Variants in CPS1 observed in about 807,000 individuals in gnomAD.
CPS1 encodes carbamoyl-phosphate synthase 1.
In CPS1, 109 loss-of-function variants were observed where a neutral mutation model predicts 174.6. The ratio of observed to expected loss-of-function variants is 0.62; its 90% CI spans 0.53 to 0.73. The LOEUF is 0.73. Ranked by LOEUF, CPS1 falls within the 30% of genes least tolerant of loss-of-function variation. The pLI is 0.00. For missense variants in CPS1, 1,689 were observed against 1,821.9 expected (o/e 0.93, Z 1.33); for synonymous variants, 637 against 632.0 (o/e 1.01, Z -0.12).
At chr2:210,672,628 T>C (rs1288020060) in intron 34 of CPS1, 1 of 152,144 alleles carries the variant, frequency 6.6e-6, no homozygotes, top group East Asian at 1.9e-4. Context: ...TCACTAAGAG[T>C]TATTCTCTAA....
chr2:210,532,429 A>G (rs1468393036), intron 1 of CPS1, among the ~76,000 whole-genome samples: 1 of 152,040 alleles, frequency 6.6e-6, no homozygotes, highest in Admixed American at 6.6e-5. Context: ...ATTCCAAATT[A>G]CTCTTGTTTT....
intron 1 of CPS1, among the ~76,000 whole-genome samples, chr2:210,479,653 A>G (rs1409505700): frequency 6.6e-6 from 1 of 152,180 alleles, no homozygotes; most frequent in Admixed American, 6.5e-5. Context: ...TAGGACTTCA[A>G]CGTATGAATT....
chr2:210,628,850 A>G (rs968362183), intron 21 of CPS1, among the ~76,000 whole-genome samples: 2 of 152,114 alleles, frequency 1.3e-5, no homozygotes. Context: ...AATTCTTTCT[A>G]GAAGTCAAAG....
At chr2:210,592,763 G>T (rs374408331) in intron 10 of CPS1, 116 bp from the exon 11 acceptor site, 2 of 967,604 alleles carry the variant, frequency 2.1e-6, no homozygotes, top group Admixed American at 3.5e-5. Flanking sequence ...CAAAAATTTT[G>T]TTAAGCATCT....
At chr2:210,615,318 T>C (rs995294330) in intron 20 of CPS1, among the ~76,000 whole-genome samples, 2 of 151,952 alleles carry the variant, frequency 1.3e-5, no homozygotes, top group Admixed American at 1.3e-4. Flanking sequence ...ATACATTGAC[T>C]AGGAAATGAA....
chr2:210,612,161 T>C lies in CPS1; in HGVS notation c.2436T>C (p.Ala812=), dbSNP rs771710751. The stretch of plus-strand genomic sequence containing the variant: ...CCTTTGAGGAGAGTTTCCAGAAAGC[T>C]TTACGGATGTGCCACCCATCTATAG... ...GRTFEESFQK[A]LRMCHPSIEG... Residue 812 remains alanine, a synonymous_variant, in exon 20 of 38, where the codon GCT becomes GCC. Transcript: ENST00000233072. The C allele has an allele frequency of 6.2e-7, 1 of 1,612,254 alleles. No homozygotes were observed. Among genetic ancestry groups the C allele is most frequent in the Non-Finnish European group, 8.5e-7 (1 of 1,178,814 alleles).
Position 210,656,603 on chromosome 2 carries a change from C to T in CPS1, c.3637C>T (p.Gln1213Ter), listed in dbSNP as rs774692248. The stretch of plus-strand genomic sequence containing the variant: ...AGATGCCACTCTGATGCTGCCCACA[C>T]AAACCATCAGCCAAGGGGCCATTGA... Reference protein sequence around the residue: ...SGDATLMLPTQTISQGAIEKV... With the variant: ...SGDATLMLPT The change falls in exon 30 of 38, where the codon CAA becomes TAA. Residue 1213 changes from glutamine (Q) to a stop codon, truncating the protein, a stop_gained. Transcript: ENST00000233072. LOFTEE classifies it high-confidence loss of function. 6.2e-7 allele frequency: 1 copy of T among 1,609,416 alleles called. No homozygotes were observed. Among genetic ancestry groups the T allele is most frequent in the Non-Finnish European group, 8.5e-7 (1 of 1,179,272 alleles).
intron 1 of CPS1, among the ~76,000 whole-genome samples, chr2:210,510,168 C>G (rs1695421805): frequency 6.6e-6 from 1 of 152,082 alleles, no homozygotes; most frequent in African/African-American, 2.4e-5. Flanking sequence ...GGTACTGGTA[C>G]CAAAACAGAG....
intron 27 of CPS1, among the ~76,000 whole-genome samples, chr2:210,649,747 A>G (rs1700503351): frequency 6.6e-6 from 1 of 152,182 alleles, no homozygotes; most frequent in Non-Finnish European, 1.5e-5. Context: ...CTACCCTCCC[A>G]ACCCATTTTG....
intron 11 of CPS1, 110 bp downstream of exon 11, chr2:210,593,066 A>G: frequency 2.1e-6 from 2 of 956,218 alleles, no homozygotes; most frequent in East Asian, 4.9e-5. Flanking sequence ...GAACATTCTC[A>G]AGAAGAGTGC....
chr2:210,564,688 T>C (rs1199865302), intron 1 of CPS1, among the ~76,000 whole-genome samples: 1 of 148,978 alleles, frequency 6.7e-6, no homozygotes, highest in Non-Finnish European at 1.5e-5. Context: ...GAATGCTCAT[T>C]TTAAAAGTAA....
At chr2:210,597,473 C>A (rs909100851) in intron 13 of CPS1, among the ~76,000 whole-genome samples, 21 of 151,698 alleles carry the variant, frequency 1.4e-4, no homozygotes, top group African/African-American at 4.8e-4. Flanking sequence ...GTATAAAAAT[C>A]AAATACATTA....
In CPS1 at chr2:210,577,274, A is replaced by ATT. The variant is rs55986465; in HGVS notation, c.382-135_382-134dup. On this transcript the variant is annotated intron_variant, in intron 3 of 37. Transcript: ENST00000233072. The stretch of plus-strand genomic sequence containing the variant: ...TACATATTTTAAAAGAAGGGCATTG[A>ATT]TTTTTTTTTTTTTGCCTCTTGTTTT... 527 of 580,164 alleles carry ATT rather than the reference A, an allele frequency of 9.1e-4. 1 individual carries two copies. Among genetic ancestry groups the ATT allele is most frequent in the African/African-American group, 7.0e-3 (359 of 51,356 alleles). 35.9% of individuals were successfully genotyped at this position (580,164 alleles called of 1,614,324 possible). A position where few individuals can be genotyped will look rare whatever the true frequency, so the allele number is the denominator to read the frequency against.
intron 21 of CPS1, among the ~76,000 whole-genome samples, chr2:210,628,693 C>T (rs989943911): frequency 1.3e-5 from 2 of 151,724 alleles, no homozygotes; most frequent in Non-Finnish European, 2.9e-5. Flanking sequence ...CCAGCTACTT[C>T]GGAGACTGAG....
At chr2:210,617,145 A>G (rs1699337788) in intron 21 of CPS1, among the ~76,000 whole-genome samples, 2 of 152,000 alleles carry the variant, frequency 1.3e-5, no homozygotes, top group Non-Finnish European at 2.9e-5. Flanking sequence ...TATGTTGAGA[A>G]TATTTTGATA....
At position 210,590,904 on chromosome 2, in the gene CPS1, C is replaced by A; in HGVS notation, c.945C>A (p.Asn315Lys). 1 of 1,610,094 alleles carries A rather than the reference C, an allele frequency of 6.2e-7. No homozygotes were observed. The highest frequency in any genetic ancestry group is 2.2e-5 in the East Asian group (1 of 44,702). The change falls in exon 9 of 38, where the codon AAC (asparagine) becomes AAA (lysine). Residue 315 changes from asparagine to lysine, a missense_variant and splice_region_variant. Physicochemically the swap from Asn to Lys is moderately conservative, Grantham distance 94. Transcript: ENST00000233072. The part of the protein sequence containing the change: ...GAKTYKMSMA[N>K]RGQNQPVLNI... Reference sequence around the variant, plus strand: ...AAACCTACAAGATGTCCATGGCCAACAGGTGAGGTATTTTCACTTTTGCTT... The same window carrying A: ...AAACCTACAAGATGTCCATGGCCAAAAGGTGAGGTATTTTCACTTTTGCTT...
rs1323806772 is a variant in CPS1, at chr2:210,499,081, T to C, written c.3+21315T>C. On this transcript the variant is annotated intron_variant, in intron 1 of 38. Coordinates refer to the CPS1 transcript ENST00000430249. ...ACACAGGAATGGTTGGGTGGCTTGG[T>C]ATGCTGATCTGGGTGAATGGTAGCT... Among the ~76,000 whole-genome samples, 11 of 151,876 alleles carry C rather than the reference T, an allele frequency of 7.2e-5. No individual in the cohort carries two copies. The East Asian group carries it at 1.6e-3, about 21-fold the overall frequency.
At chr2:210,487,515 C>G (rs1054936656) in intron 1 of CPS1, among the ~76,000 whole-genome samples, 15 of 152,188 alleles carry the variant, frequency 9.9e-5, no homozygotes, top group Non-Finnish European at 1.9e-4. Flanking sequence ...TTGCAAAACA[C>G]TTTACATAAA....
At chr2:210,555,054 A>T (rs971808033), upstream of CPS1, among the ~76,000 whole-genome samples, 1 of 152,024 alleles carries the variant, frequency 6.6e-6, no homozygotes, top group Non-Finnish European at 1.5e-5. Context: ...TACTTCCATG[A>T]CTATTATGAA....
Sources: gnomAD v4.1 joint callset for allele counts (sites outside exome capture counted in the v4.1 genomes callset) on GRCh38, gnomAD v4.1.1 for gene constraint, MANE v1.5 for transcripts, NCBI Gene and HGNC (gene_info 2026-07-23, HGNC 2026-07-21) for gene names.